The following HFM1 variants were observed in gnomAD, a reference collection of about 807,000 sequenced individuals.
The protein encoded by HFM1 is helicase for meiosis 1.
In HFM1, 169 loss-of-function variants were observed where a neutral mutation model predicts 192.1. That is an observed-to-expected ratio of 0.88 (90% CI 0.78 to 1.00). HFM1 has a LOEUF of 1.00. Among genes scored for constraint, HFM1 ranks in the 50% least tolerant of loss-of-function variants. HFM1 has a pLI of 0.00. For missense variants in HFM1, 1,661 were observed against 1,668.0 expected (o/e 1.00, Z 0.07); for synonymous variants, 525 against 537.8 (o/e 0.98, Z 0.33).
Position 91,385,936 on chromosome 1 carries a change from T to G in HFM1, c.495-102A>C, listed in dbSNP as rs1014447747. On this transcript the variant is annotated intron_variant, in intron 4 of 38. Coordinates refer to ENST00000370425, the MANE Select transcript of HFM1 (RefSeq NM_001017975.6). Reference sequence around the variant, plus strand: ...GGCCCCCTTAAAAACACTCATAGATTATGGTTTACTCAAACAAAAAAGCTA... The same window carrying G: ...GGCCCCCTTAAAAACACTCATAGATGATGGTTTACTCAAACAAAAAAGCTA... 6 of 895,132 alleles carry G rather than the reference T, an allele frequency of 6.7e-6. No individual in the cohort carries two copies. The African/African-American group carries it at 8.4e-5, about 12-fold the overall frequency. The allele number at this position is 895,132 out of a possible 1,614,324, so 55.4% of individuals were successfully genotyped here.
At position 91,273,833 on chromosome 1, in the gene HFM1, C is replaced by G; in HGVS notation, c.3669-18G>C. On this transcript the variant is annotated intron_variant, in intron 33 of 38. Coordinates refer to ENST00000370425, the MANE Select transcript of HFM1 (RefSeq NM_001017975.6). ...ATTCTGACCTTTATAAAGATAAAAC[C>G]ATGAAAATGTTAAAGAAAATATGGA... The G allele has an allele frequency of 1.6e-6, 2 of 1,288,534 alleles. No individual in the cohort carries two copies. The highest frequency in any genetic ancestry group is 2.6e-5 in the South Asian group (2 of 77,784). The allele number at this position is 1,288,534 out of a possible 1,614,324, so 79.8% of individuals were successfully genotyped here.
intron 23 of HFM1, among the ~76,000 whole-genome samples, chr1:91,322,619 CATTT>C (rs1441480999): frequency 3.3e-5 from 5 of 152,140 alleles, no homozygotes; most frequent in Non-Finnish European, 7.4e-5. Flanking sequence ...ATTCAGTAGA[CATTT>C]ATTACACAGG....
intron 30 of HFM1, among the ~76,000 whole-genome samples, chr1:91,295,940 T>C (rs567499283): frequency 4.6e-4 from 70 of 151,562 alleles, no homozygotes; most frequent in African/African-American, 1.6e-3. Flanking sequence ...TTTTTCTTTC[T>C]TTTTTTTTGA....
intron 18 of HFM1, 32 bp from the exon 19 acceptor site, chr1:91,347,508 A>C: frequency 6.6e-7 from 1 of 1,512,196 alleles, no homozygotes; most frequent in Non-Finnish European, 9.1e-7. Flanking sequence ...AATAGAATTT[A>C]GCTCATCTTT....
chr1:91,331,919 C>T (rs1653887231), intron 20 of HFM1, among the ~76,000 whole-genome samples: 1 of 151,154 alleles, frequency 6.6e-6, no homozygotes, highest in African/African-American at 2.4e-5. Context: ...CAAAGAAACA[C>T]AAAAACTATA....
intron 34 of HFM1, among the ~76,000 whole-genome samples, chr1:91,272,534 G>C (rs1666402022): frequency 6.6e-6 from 1 of 151,988 alleles, no homozygotes; most frequent in Non-Finnish European, 1.5e-5. Context: ...AGTAAGCAGA[G>C]GGAAGGATAG....
intron 30 of HFM1, among the ~76,000 whole-genome samples, chr1:91,308,653 T>A (rs1303295877): frequency 1.3e-5 from 2 of 152,182 alleles, no homozygotes; most frequent in East Asian, 3.8e-4. Context: ...TCCTCCTGCC[T>A]TAGCCTCCTG....
intron 6 of HFM1, 117 bp from the exon 7 acceptor site, chr1:91,381,099 A>G: frequency 3.4e-6 from 2 of 589,110 alleles, no homozygotes; most frequent in Non-Finnish European, 6.1e-6. Flanking sequence ...AGGTTTTAAC[A>G]TTTGCTATCT....
intron 30 of HFM1, among the ~76,000 whole-genome samples, chr1:91,308,919 A>G (rs2101098447): frequency 6.6e-6 from 1 of 152,300 alleles, no homozygotes; most frequent in East Asian, 1.9e-4. Flanking sequence ...TTAAGAATTT[A>G]GTTCCTTTAG....
chr1:91,291,189 A>C (rs1473010656), intron 30 of HFM1, among the ~76,000 whole-genome samples: 2 of 152,216 alleles, frequency 1.3e-5, no homozygotes, highest in Non-Finnish European at 2.9e-5. Context: ...GAAGTCAAGA[A>C]ATAACTAAAA....
At chr1:91,387,611 T>C (rs998311956) in intron 4 of HFM1, among the ~76,000 whole-genome samples, 2 of 150,126 alleles carry the variant, frequency 1.3e-5, no homozygotes, top group African/African-American at 4.9e-5. Context: ...TTCATGTCCT[T>C]TGTAGGGACA....
At chr1:91,291,714 C>G (rs1668781035) in intron 30 of HFM1, among the ~76,000 whole-genome samples, 1 of 151,950 alleles carries the variant, frequency 6.6e-6, no homozygotes, top group South Asian at 2.1e-4. Context: ...AGGCCAGCAT[C>G]ATCCTGATAC....
chr1:91,324,528 G>T, intron 21 of HFM1, 147 bp downstream of exon 21: 1 of 577,264 alleles, frequency 1.7e-6, no homozygotes, highest in Non-Finnish European at 3.1e-6. Flanking sequence ...CTCATGATCA[G>T]AATTATACCA....
chr1:91,305,803 A>G (rs529785571), intron 30 of HFM1, among the ~76,000 whole-genome samples: 21 of 152,202 alleles, frequency 1.4e-4, no homozygotes, highest in African/African-American at 5.1e-4. Flanking sequence ...CCTGGACTCA[A>G]GTGATCCTCC....
chr1:91,267,739 T>C lies in HFM1; in HGVS notation c.3883+6A>G. On this transcript the variant is annotated splice_donor_region_variant and intron_variant, in intron 35 of 38. Transcript: ENST00000370425. ...TGAAATGATTGCATGCTAAGTATGATTTTACCTGATATTTTTGTCTTCTCA... is the reference window on the plus strand; with the variant it reads ...TGAAATGATTGCATGCTAAGTATGACTTTACCTGATATTTTTGTCTTCTCA... 1 of 1,256,570 alleles carries C rather than the reference T, an allele frequency of 8.0e-7. No individual in the cohort carries two copies. Among genetic ancestry groups the C allele is most frequent in the Non-Finnish European group, 1.1e-6 (1 of 895,942 alleles). 77.8% of individuals were successfully genotyped at this position (1,256,570 alleles called of 1,614,324 possible).
intron 23 of HFM1, 122 bp from the exon 24 acceptor site, chr1:91,319,512 C>T: frequency 3.3e-6 from 2 of 605,990 alleles, no homozygotes; most frequent in Non-Finnish European, 5.9e-6. Flanking sequence ...TGCAATACTA[C>T]ATGATTATCT....
chr1:91,340,660 T>C (rs907502924), intron 20 of HFM1, among the ~76,000 whole-genome samples: 1 of 152,022 alleles, frequency 6.6e-6, no homozygotes, highest in Non-Finnish European at 1.5e-5. Flanking sequence ...GAGTGACAAG[T>C]TGGATAAAGA....
At chr1:91,312,856 G>A (rs1189257056) in intron 30 of HFM1, among the ~76,000 whole-genome samples, 1 of 152,136 alleles carries the variant, frequency 6.6e-6, no homozygotes, top group African/African-American at 2.4e-5. Context: ...GACCCAGGGG[G>A]AGGTAACCAA....
chr1:91,324,531 T>C, intron 21 of HFM1, 144 bp downstream of exon 21: 3 of 581,396 alleles, frequency 5.2e-6, no homozygotes, highest in Non-Finnish European at 6.1e-6. Flanking sequence ...ATGATCAGAA[T>C]TATACCAGAG....
Sources: allele counts gnomAD v4.1 joint callset (sites outside exome capture counted in the v4.1 genomes callset), GRCh38; gene constraint gnomAD v4.1.1; transcripts MANE v1.5; gene names NCBI Gene and HGNC (gene_info 2026-07-23, HGNC 2026-07-21).